IL17RB: variants seen among roughly 807,000 people sequenced by gnomAD.
IL17RB encodes the protein interleukin-17 receptor B.
Under a neutral mutation model 43.9 loss-of-function variants are expected in IL17RB, and 36 were observed. The observed-to-expected ratio is 0.82, with a 90% CI of 0.63 to 1.08. The LOEUF (loss-of-function observed/expected upper bound fraction) is 1.08. Ranked by LOEUF, IL17RB falls within the 50% of genes least tolerant of loss-of-function variation. The probability of loss-of-function intolerance (pLI) is 0.00; values close to 1 mark genes in which losing one functional copy is unlikely to be tolerated. For synonymous variants in IL17RB, 225 were observed against 225.4 expected, an observed-to-expected ratio of 1.00 and a Z score of 0.02; for missense variants, 613 against 613.6, an observed-to-expected ratio of 1.00 and a Z score of 0.01.
Position 53,852,971 on chromosome 3 carries a change from C to T in IL17RB, c.455C>T (p.Ser152Phe). The change falls in exon 5 of 11, where the codon TCC becomes TTC. Residue 152 changes from serine (S) to phenylalanine (F), a missense_variant. Physicochemically the swap from Ser to Phe is radical, Grantham distance 155 (BLOSUM62 -2). Coordinates refer to ENST00000288167, the MANE Select transcript of IL17RB (RefSeq NM_018725.4). ...GCAAATATGAATGAAGATGGCCCTT[C>T]CATGTCTGTGAATTTCACCTCACCA... ...PNANMNEDGP[S>F]MSVNFTSPGC... 1.2e-6 allele frequency: 2 copies of T among 1,613,968 alleles called. No individual in the cohort carries two copies. The highest frequency in any genetic ancestry group is 1.7e-6 in the Non-Finnish European group (2 of 1,179,838).
chr3:53,848,657 C>T lies in IL17RB; in HGVS notation c.61-7C>T, dbSNP rs2107002133. On this transcript the variant is annotated splice_polypyrimidine_tract_variant and splice_region_variant and intron_variant, in intron 1 of 10. Coordinates refer to ENST00000288167, the MANE Select transcript of IL17RB (RefSeq NM_018725.4). Reference sequence around the variant, plus strand: ...CAACGTGACGCTTGGTTTTTTCTCTCCCACAGACCGTTCAATGTGGCTCTG... The same window carrying T: ...CAACGTGACGCTTGGTTTTTTCTCTTCCACAGACCGTTCAATGTGGCTCTG... 2 of 1,613,704 alleles carry T rather than the reference C, an allele frequency of 1.2e-6. No homozygotes were observed. Among genetic ancestry groups the T allele is most frequent in the South Asian group, 1.1e-5 (1 of 91,060 alleles).
At chr3:53,854,972 C>T (rs1214087990) in intron 5 of IL17RB, among the ~76,000 whole-genome samples, 1 of 152,014 alleles carries the variant, frequency 6.6e-6, no homozygotes, top group Non-Finnish European at 1.5e-5. Flanking sequence ...AAAAAATTAG[C>T]CGGGCGTGGT....
intron 3 of IL17RB, among the ~76,000 whole-genome samples, chr3:53,851,664 TAA>T (rs1408468737): frequency 2.0e-5 from 3 of 152,094 alleles, no homozygotes; most frequent in Non-Finnish European, 1.5e-5. Flanking sequence ...CTCTTCCTCT[TAA>T]AAGAGACCCA....
chr3:53,847,485 T>TAAA lies in IL17RB; in HGVS notation c.60+852_60+854dup, dbSNP rs11332832. Among the ~76,000 whole-genome samples, 557 of 140,792 alleles carry TAAA rather than the reference T, an allele frequency of 4.0e-3. 6 individuals are homozygous for TAAA. In the South Asian group the frequency reaches 0.04, roughly 10 times the overall value. The allele number at this position is 140,792 out of a possible 152,430, so 92.4% of individuals were successfully genotyped here. A position where few individuals can be genotyped will look rare whatever the true frequency, so the allele number is the denominator to read the frequency against. On this transcript the variant is annotated intron_variant, in intron 1 of 10. Transcript: ENST00000288167. ...GCTCCTGGTATGATGGCTCATTTGT[T>TAAA]AAAAAAAAAAAAAAAAAGTCAAGTC...
chr3:53,846,980 C>T (rs1024495053), intron 1 of IL17RB, among the ~76,000 whole-genome samples: 10 of 152,232 alleles, frequency 6.6e-5, no homozygotes, highest in Non-Finnish European at 1.0e-4. Context: ...CTGCAATTAG[C>T]GGCGAAGGGC....
At chr3:53,857,742 C>G (rs1329568517) in intron 8 of IL17RB, 52 bp downstream of exon 8, 19 of 1,458,972 alleles carry the variant, frequency 1.3e-5, no homozygotes, top group Non-Finnish European at 1.8e-5. Flanking sequence ...AAGACTGTTC[C>G]ATCATTCATT....
At chr3:53,853,106 A>G in intron 5 of IL17RB, 109 bp downstream of exon 5, 1 of 1,252,302 alleles carries the variant, frequency 8.0e-7, no homozygotes, top group South Asian at 1.2e-5. Flanking sequence ...GCCTTGCTAA[A>G]TCTCAGTTCC....
chr3:53,849,668 G>C lies in IL17RB; in HGVS notation c.99G>C (p.Glu33Asp). 1.9e-6 allele frequency: 3 copies of C among 1,608,322 alleles called. No individual in the cohort carries two copies. The highest frequency in any genetic ancestry group is 2.2e-5 in the East Asian group (1 of 44,580). Residue 33 changes from glutamate to aspartate, a missense_variant, in exon 3 of 11, where the codon GAG becomes GAC. Transcript: ENST00000288167. The part of the protein sequence containing the change: ...QCGSETGPSP[E>D]WMLQHDLIPG... ...GCTTTTTCCCAGGGCCATCTCCAGA[G>C]TGGATGCTACAACATGATCTAATCC... is the stretch of plus-strand genomic sequence containing the variant.
Position 53,857,597 on chromosome 3 carries a change from T to C in IL17RB, c.673-19T>C, listed in dbSNP as rs376431162. The C allele has an allele frequency of 1.9e-5, 30 of 1,612,336 alleles. No individual in the cohort carries two copies. The highest frequency in any genetic ancestry group is 3.3e-5 in the South Asian group (3 of 91,034). ...AGTGCACCTGGCACCTCATAATTCT[T>C]GACTCTCTCTCTCTTAAGCCACACC... On this transcript the variant is annotated intron_variant, in intron 7 of 10. Coordinates refer to ENST00000288167, the MANE Select transcript of IL17RB (RefSeq NM_018725.4).
rs1477435455 is a variant in IL17RB at position 53,864,789 on chromosome 3, C to T, written c.990C>T (p.Pro330=). Residue 330 remains proline (P), a synonymous_variant, in exon 11 of 11, where the codon CCC becomes CCT. Transcript: ENST00000288167. The part of the protein sequence containing the change: ...KTSFSTTTLL[P]PIKVLVVYPS... ...CCTTTTCTACCACCACACTACTGCC[C>T]CCCATTAAGGTTCTTGTGGTTTACC... 3 of 1,613,638 alleles carry T rather than the reference C, an allele frequency of 1.9e-6. No individual in the cohort carries two copies. Among genetic ancestry groups the T allele is most frequent in the African/African-American group, 2.7e-5 (2 of 75,024 alleles).
chr3:53,862,135 G>A (rs913434109), intron 10 of IL17RB, among the ~76,000 whole-genome samples: 1 of 152,150 alleles, frequency 6.6e-6, no homozygotes, highest in African/African-American at 2.4e-5. Context: ...CCCAGGAAGC[G>A]ACTGCCTTTT....
Position 53,848,703 on chromosome 3 carries a change from G to C in IL17RB, c.85+15G>C. ...CTCTGAAACTGGTAGGTGCATTAGA[G>C]AATGGGTATTTGGGGCTTTACATTG... On this transcript the variant is annotated intron_variant, in intron 2 of 10. Transcript: ENST00000288167. 6.2e-7 allele frequency: 1 copy of C among 1,613,896 alleles called. No individual in the cohort carries two copies.
At position 53,849,743 on chromosome 3, in the gene IL17RB, A is replaced by C. The variant is rs757281361; in HGVS notation, c.174A>C (p.Ala58=). 1 of 1,612,934 alleles carries C rather than the reference A, an allele frequency of 6.2e-7. No individual in the cohort carries two copies. The highest frequency in any genetic ancestry group is 2.2e-5 in the East Asian group (1 of 44,834). Residue 58 remains alanine, a synonymous_variant, in exon 3 of 11, where the codon GCA becomes GCC. Transcript: ENST00000288167. The stretch of plus-strand genomic sequence containing the variant: ...TAGAACCTGTTACAACTAGTGTTGC[A>C]ACAGGGGACTATTCAATTTTGATGA... ...LRVEPVTTSV[A]TGDYSILMNV...
intron 6 of IL17RB, 41 bp downstream of exon 6, chr3:53,855,382 T>G: frequency 7.1e-7 from 1 of 1,401,074 alleles, no homozygotes; most frequent in South Asian, 1.2e-5. Flanking sequence ...TTGAAGAAAC[T>G]TGTAACTTGA....
At position 53,849,749 on chromosome 3, in the gene IL17RB, G is replaced by A; in HGVS notation, c.180G>A (p.Gly60=). Reference sequence around the variant, plus strand: ...CTGTTACAACTAGTGTTGCAACAGGGGACTATTCAATTTTGATGAATGTAA... The same window carrying A: ...CTGTTACAACTAGTGTTGCAACAGGAGACTATTCAATTTTGATGAATGTAA... ...VEPVTTSVAT[G]DYSILMNVSW... is the part of the protein sequence containing the mutation. The change falls in exon 3 of 11, where the codon GGG becomes GGA. Residue 60 remains glycine, a synonymous_variant. Coordinates refer to ENST00000288167, the MANE Select transcript of IL17RB (RefSeq NM_018725.4). The A allele has an allele frequency of 6.2e-7, 1 of 1,612,014 alleles. No homozygotes were observed. The highest frequency in any genetic ancestry group is 8.5e-7 in the Non-Finnish European group (1 of 1,178,976).
In IL17RB at chr3:53,846,596, T is replaced by C. The variant is rs1259291989; in HGVS notation, c.8T>C (p.Leu3Pro). The change falls in exon 1 of 11, where the codon CTC (leucine) becomes CCC (proline). Residue 3 changes from leucine (L) to proline (P), a missense_variant. By Grantham distance (98) the Leu-to-Pro change is moderately conservative. Coordinates refer to ENST00000288167, the MANE Select transcript of IL17RB (RefSeq NM_018725.4). ...CCGCGCAGTGGCCCGGCGATGTCGC[T>C]CGTGCTGCTAAGCCTGGCCGCGCTG... MS[L>P]VLLSLAALCR... 1.3e-6 allele frequency: 2 copies of C among 1,585,846 alleles called. No individual in the cohort carries two copies. Among genetic ancestry groups the C allele is most frequent in the Non-Finnish European group, 1.7e-6 (2 of 1,170,534 alleles).
intron 10 of IL17RB, among the ~76,000 whole-genome samples, chr3:53,862,073 C>G (rs545148941): frequency 5.9e-5 from 9 of 152,280 alleles, no homozygotes; most frequent in African/African-American, 2.2e-4. Flanking sequence ...ACTGAGAAAA[C>G]TTTTCTGGAT....
In IL17RB at chr3:53,858,651, T is replaced by G. The variant is rs1423520021; in HGVS notation, c.748-68T>G. Reference sequence around the variant, plus strand: ...GAAAGAAGGGAAGTTTTGGCTGAAGTAGGAGTCTTGGTGAGATTTTGCTCT... The same window carrying G: ...GAAAGAAGGGAAGTTTTGGCTGAAGGAGGAGTCTTGGTGAGATTTTGCTCT... On this transcript the variant is annotated intron_variant, in intron 8 of 10. Coordinates refer to ENST00000288167, the MANE Select transcript of IL17RB (RefSeq NM_018725.4). 1.9e-6 allele frequency: 3 copies of G among 1,580,536 alleles called. No individual in the cohort carries two copies. The African/African-American group carries it at 4.1e-5, about 21-fold the overall frequency.
chr3:53,855,116 C>CAA (rs746854673), intron 5 of IL17RB, among the ~76,000 whole-genome samples, 178 bp from the exon 6 acceptor site: 151 of 68,752 alleles, frequency 2.2e-3, no homozygotes, highest in Non-Finnish European at 2.6e-3. Context: ...GACTCCGGCT[C>CAA]AAAAAAAAAA....
Sources: allele counts gnomAD v4.1 joint callset (sites outside exome capture counted in the v4.1 genomes callset), GRCh38; gene constraint gnomAD v4.1.1; transcripts MANE v1.5; gene names NCBI Gene and HGNC (gene_info 2026-07-23, HGNC 2026-07-21).